Variants in ARHGAP10 observed in about 807,000 individuals in gnomAD.
The protein encoded by ARHGAP10 is Rho GTPase activating protein 10.
ARHGAP10 carries 87 observed loss-of-function variants against 108.6 expected under a neutral mutation model. That is an observed-to-expected ratio of 0.80 (90% CI 0.67 to 0.96). ARHGAP10 has a LOEUF of 0.96. ARHGAP10 is among the 40% of genes least tolerant of loss of function. The pLI, the probability that ARHGAP10 is intolerant of heterozygous loss-of-function variation, is 0.00. For missense variants in ARHGAP10, 939 were observed against 954.5 expected, an observed-to-expected ratio of 0.98 and a Z score of 0.21; for synonymous variants, 347 against 341.1, an observed-to-expected ratio of 1.02 and a Z score of -0.19.
At chr4:147,850,883 G>C (rs1365353451) in intron 4 of ARHGAP10, among the ~76,000 whole-genome samples, 1 of 152,198 alleles carries the variant, frequency 6.6e-6, no homozygotes, top group Non-Finnish European at 1.5e-5. Flanking sequence ...GACTTTGTGG[G>C]TAGCTACAGG....
intron 13 of ARHGAP10, among the ~76,000 whole-genome samples, chr4:147,921,437 G>A (rs1415157678): frequency 6.6e-6 from 1 of 152,168 alleles, no homozygotes; most frequent in Admixed American, 6.5e-5. Context: ...TAGTCAGGTG[G>A]AGAGAAGAAT....
Position 147,732,490 on chromosome 4 carries a change from G to A in ARHGAP10, c.154+35G>A. 1.9e-6 allele frequency: 3 copies of A among 1,605,044 alleles called. 1 individual carries two copies. In the South Asian group the frequency reaches 3.3e-5, roughly 18 times the overall value. The stretch of plus-strand genomic sequence containing the variant: ...GACGCGGGCGCGGACGGGCTGCGGC[G>A]TGGCGAGGCGGCTGGGGGAGCCTCT... On this transcript the variant is annotated intron_variant, in intron 1 of 22. Coordinates refer to ENST00000336498, the MANE Select transcript of ARHGAP10 (RefSeq NM_024605.4).
At chr4:147,810,540 C>A (rs779461470) in intron 1 of ARHGAP10, among the ~76,000 whole-genome samples, 1 of 152,192 alleles carries the variant, frequency 6.6e-6, no homozygotes, top group Non-Finnish European at 1.5e-5. Flanking sequence ...TACATCTCAT[C>A]TTTAATACAA....
At chr4:147,931,917 A>G (rs1414283122) in intron 13 of ARHGAP10, among the ~76,000 whole-genome samples, 5 of 152,208 alleles carry the variant, frequency 3.3e-5, no homozygotes, top group African/African-American at 1.2e-4. Context: ...AAATTTTTGC[A>G]ATCTATCCAT....
At position 148,027,165 on chromosome 4, in the gene ARHGAP10, A is replaced by T. The variant is rs568016567; in HGVS notation, c.1867+3752A>T. Among the ~76,000 whole-genome samples the T allele has an allele frequency of 3.9e-5, 6 of 152,358 alleles. No homozygotes were observed. The East Asian group carries it at 1.2e-3, about 29-fold the overall frequency. ...CCATCTGAATCTCTTTCTTCATGCT[A>T]GTTCTAATTTTAAACAAAACTAGAC... On this transcript the variant is annotated intron_variant, in intron 19 of 22. Transcript: ENST00000336498.
In ARHGAP10 at chr4:147,802,044, CGCTTGAGTAATGAT is replaced by C. The variant is rs1731605406; in HGVS notation, c.155-20667_155-20654del. Among the ~76,000 whole-genome samples, 4 of 152,160 alleles carry C rather than the reference CGCTTGAGTAATGAT, an allele frequency of 2.6e-5. No individual in the cohort carries two copies. In the South Asian group the frequency reaches 6.2e-4, roughly 24 times the overall value. On this transcript the variant is annotated intron_variant, in intron 1 of 22. Transcript: ENST00000336498. Reference sequence around the variant, plus strand: ...ACTAAACACTGGCCCTGTTTAATGTCGCTTGAGTAATGATGCTTGAGTAATGATGACTGACAGGT... The same window carrying C: ...ACTAAACACTGGCCCTGTTTAATGTCGCTTGAGTAATGATGACTGACAGGT...
intron 18 of ARHGAP10, among the ~76,000 whole-genome samples, chr4:147,981,666 C>G (rs527425225): frequency 6.6e-6 from 1 of 152,244 alleles, no homozygotes; most frequent in Admixed American, 6.5e-5. Flanking sequence ...GAAGTCTCCT[C>G]CTATTATTAT....
chr4:147,953,698 A>T lies in ARHGAP10; in HGVS notation c.1392-1618A>T, dbSNP rs76677444. On this transcript the variant is annotated intron_variant, in intron 15 of 22. Coordinates refer to ENST00000336498, the MANE Select transcript of ARHGAP10 (RefSeq NM_024605.4). The stretch of plus-strand genomic sequence containing the variant: ...TCAATTTTACTGATTATCTTAAAAG[A>T]TATGGTTTTGGATTAATTTATTTTC... Among the ~76,000 whole-genome samples the T allele has an allele frequency of 5.9e-3, 898 of 151,994 alleles. 8 individuals are homozygous for T. The highest frequency in any genetic ancestry group is 0.021 in the African/African-American group (869 of 41,496).
intron 15 of ARHGAP10, among the ~76,000 whole-genome samples, chr4:147,947,891 G>C (rs1738446898): frequency 6.6e-6 from 1 of 151,150 alleles, no homozygotes; most frequent in Non-Finnish European, 1.5e-5. Flanking sequence ...CCTGCTTCTT[G>C]AGTTATCAAC....
chr4:147,816,036 G>A (rs1732228665), intron 1 of ARHGAP10, among the ~76,000 whole-genome samples: 1 of 152,194 alleles, frequency 6.6e-6, no homozygotes, highest in African/African-American at 2.4e-5. Flanking sequence ...TGGTTTTCCT[G>A]TTCCTACTGT....
At chr4:147,910,620 C>T (rs868188739) in intron 12 of ARHGAP10, among the ~76,000 whole-genome samples, 2 of 152,120 alleles carry the variant, frequency 1.3e-5, no homozygotes, top group South Asian at 4.2e-4. Context: ...CAACGATCTT[C>T]ACATGCCACT....
intron 18 of ARHGAP10, among the ~76,000 whole-genome samples, chr4:148,005,576 T>C (rs1720622147): frequency 6.6e-6 from 1 of 152,214 alleles, no homozygotes; most frequent in South Asian, 2.1e-4. Context: ...AAAACAAATA[T>C]TCTAGTTCTG....
chr4:147,927,926 C>A (rs1377663250), intron 13 of ARHGAP10, among the ~76,000 whole-genome samples: 1 of 152,172 alleles, frequency 6.6e-6, no homozygotes, highest in East Asian at 1.9e-4. Context: ...AAATCGGAAA[C>A]TCCCTGTTAC....
chr4:147,901,545 C>T (rs1230354001), intron 10 of ARHGAP10, among the ~76,000 whole-genome samples: 1 of 152,316 alleles, frequency 6.6e-6, no homozygotes, highest in African/African-American at 2.4e-5. Context: ...CAAATTTGTT[C>T]TCTGCTGGCT....
chr4:147,774,899 C>T lies in ARHGAP10; in HGVS notation c.154+42444C>T, dbSNP rs552003209. On this transcript the variant is annotated intron_variant, in intron 1 of 22. Transcript: ENST00000336498. ...TGATCCTTTGCCACAGCCCTTTCCT[C>T]CTTGATGTATTTTTTTTTTTTTTTG... is the stretch of plus-strand genomic sequence containing the variant. 2.3e-3 allele frequency among the ~76,000 whole-genome samples: 350 copies of T among 151,344 alleles called. 2 individuals carry two copies. Among genetic ancestry groups the T allele is most frequent in the African/African-American group, 8.3e-3 (338 of 40,846 alleles).
intron 22 of ARHGAP10, among the ~76,000 whole-genome samples, chr4:148,065,876 TGGTGCA>T (rs1193331879): frequency 7.4e-5 from 11 of 149,420 alleles, no homozygotes; most frequent in South Asian, 2.1e-4. Context: ...TCAGGTGCAG[TGGTGCA>T]CACCTGTTGT....
chr4:147,921,314 C>T (rs1737222907), intron 13 of ARHGAP10, among the ~76,000 whole-genome samples: 1 of 152,166 alleles, frequency 6.6e-6, no homozygotes, highest in African/African-American at 2.4e-5. Context: ...ATATCAGGAG[C>T]ACTAGGGGTG....
At chr4:147,889,598 C>A (rs1225559456) in intron 10 of ARHGAP10, among the ~76,000 whole-genome samples, 1 of 152,240 alleles carries the variant, frequency 6.6e-6, no homozygotes, top group Non-Finnish European at 1.5e-5. Context: ...CCACACCTGG[C>A]CCTCATATTG....
chr4:147,884,239 C>G (rs1246683174), intron 10 of ARHGAP10, among the ~76,000 whole-genome samples: 1 of 152,058 alleles, frequency 6.6e-6, no homozygotes, highest in Admixed American at 6.6e-5. Flanking sequence ...TTTTTGTCAG[C>G]CATGATCCTA....
Sources: gnomAD v4.1 joint callset for allele counts (sites outside exome capture counted in the v4.1 genomes callset) on GRCh38, gnomAD v4.1.1 for gene constraint, MANE v1.5 for transcripts, NCBI Gene and HGNC (gene_info 2026-07-23, HGNC 2026-07-21) for gene names.